Variants in NFIA observed in about 807,000 individuals in gnomAD.
The protein encoded by NFIA is nuclear factor I A, also known as nuclear factor 1 A-type.
A neutral mutation model predicts 62.8 loss-of-function variants in NFIA; 8 were observed. The ratio of observed to expected loss-of-function variants is 0.13; its 90% CI spans 0.07 to 0.23. The LOEUF is 0.23. Ranked by LOEUF, NFIA falls within the 10% of genes least tolerant of loss-of-function variation. The pLI, the probability that NFIA is intolerant of heterozygous loss-of-function variation, is 1.00. For missense variants in NFIA, 410 were observed against 642.1 expected, an observed-to-expected ratio of 0.64 and a Z score of 3.91; for synonymous variants, 235 against 238.1, an observed-to-expected ratio of 0.99 and a Z score of 0.12.
intron 2 of NFIA, among the ~76,000 whole-genome samples, chr1:61,176,517 T>C (rs1285305479): frequency 6.6e-6 from 1 of 152,130 alleles, no homozygotes; most frequent in East Asian, 1.9e-4. Flanking sequence ...GTGGATTTTC[T>C]CCCCTCTGAT....
intron 3 of NFIA, among the ~76,000 whole-genome samples, chr1:61,283,331 G>A (rs147486554): frequency 0.04 from 6,141 of 151,740 alleles, 187 homozygotes; most frequent in Non-Finnish European, 0.062. Flanking sequence ...AGCACTTTGG[G>A]AGGCCAAGGC....
chr1:61,270,865 C>A (rs541864252), intron 2 of NFIA, among the ~76,000 whole-genome samples: 2 of 152,138 alleles, frequency 1.3e-5, no homozygotes, highest in Admixed American at 6.6e-5. Context: ...GTGAACACAG[C>A]GCCTCTTATG....
At chr1:61,122,111 T>G (rs1420505763) in intron 2 of NFIA, among the ~76,000 whole-genome samples, 1 of 152,228 alleles carries the variant, frequency 6.6e-6, no homozygotes, top group Non-Finnish European at 1.5e-5. Flanking sequence ...GAGTTTTCCA[T>G]ATTTAAAAGT....
chr1:61,148,460 A>G (rs975711033), intron 2 of NFIA, among the ~76,000 whole-genome samples: 1 of 152,128 alleles, frequency 6.6e-6, no homozygotes, highest in African/African-American at 2.4e-5. Context: ...AAGACGTTTT[A>G]GGAGGCATCA....
chr1:61,310,322 A>G (rs1395321098), intron 3 of NFIA, among the ~76,000 whole-genome samples: 1 of 152,220 alleles, frequency 6.6e-6, no homozygotes, highest in Non-Finnish European at 1.5e-5. Flanking sequence ...CTGCCATGTT[A>G]TCTTCCATCT....
At chr1:61,354,809 C>A (rs894329698) in intron 5 of NFIA, among the ~76,000 whole-genome samples, 2 of 152,150 alleles carry the variant, frequency 1.3e-5, no homozygotes, top group Non-Finnish European at 2.9e-5. Flanking sequence ...GAGGCCAACA[C>A]GTGTGCAGCC....
chr1:61,200,032 A>ACATATATATATG (rs1557631908), intron 2 of NFIA, among the ~76,000 whole-genome samples: 19 of 83,774 alleles, frequency 2.3e-4, no homozygotes, highest in African/African-American at 8.8e-4. Flanking sequence ...ATATATATAT[A>ACATATATATATG]TATATATATA....
At chr1:61,247,742 T>C (rs1202685932) in intron 2 of NFIA, among the ~76,000 whole-genome samples, 2 of 152,136 alleles carry the variant, frequency 1.3e-5, no homozygotes, top group African/African-American at 2.4e-5. Flanking sequence ...GCTGCCACCA[T>C]TGGGTTCCTT....
chr1:61,198,215 GA>G (rs540468765), intron 2 of NFIA, among the ~76,000 whole-genome samples: 100 of 152,288 alleles, frequency 6.6e-4, no homozygotes, highest in Non-Finnish European at 8.5e-4. Context: ...TCTGGGAGAA[GA>G]AAAAAGAAAA....
At chr1:61,181,393 C>T (rs534187251) in intron 2 of NFIA, among the ~76,000 whole-genome samples, 61 of 152,206 alleles carry the variant, frequency 4.0e-4, no homozygotes, top group African/African-American at 1.4e-3. Flanking sequence ...CATGGCTAAG[C>T]CTTTCCTAGT....
At chr1:61,078,549 A>C (rs1422263364), upstream of NFIA, among the ~76,000 whole-genome samples, 1 of 152,196 alleles carries the variant, frequency 6.6e-6, no homozygotes, top group Non-Finnish European at 1.5e-5. Context: ...ATTATCTTAG[A>C]AGCTTTGGCA....
chr1:61,426,367 T>C, intron 9 of NFIA, 98 bp from the exon 10 acceptor site: 1 of 804,060 alleles, frequency 1.2e-6, no homozygotes, highest in Non-Finnish European at 2.1e-6. Context: ...ATTTCCTTGT[T>C]AATCAGCTGC....
At chr1:61,427,397 G>A (rs781258654) in intron 10 of NFIA, among the ~76,000 whole-genome samples, 3 of 152,148 alleles carry the variant, frequency 2.0e-5, no homozygotes, top group Non-Finnish European at 4.4e-5. Flanking sequence ...AGAACATGGC[G>A]ATATTTTATC....
intron 3 of NFIA, among the ~76,000 whole-genome samples, chr1:61,319,283 T>C (rs1660536591): frequency 1.3e-5 from 2 of 152,132 alleles, no homozygotes; most frequent in Admixed American, 1.3e-4. Flanking sequence ...TGGTAAAATA[T>C]ATATGAAGCT....
chr1:61,250,755 T>A (rs904678788), intron 2 of NFIA, among the ~76,000 whole-genome samples: 5 of 152,204 alleles, frequency 3.3e-5, no homozygotes, highest in African/African-American at 1.2e-4. Flanking sequence ...TTTATTAAAA[T>A]CATAGCTCGA....
At chr1:61,292,056 C>T (rs576640441) in intron 3 of NFIA, among the ~76,000 whole-genome samples, 1 of 152,246 alleles carries the variant, frequency 6.6e-6, no homozygotes, top group South Asian at 2.1e-4. Context: ...TCCACATTTT[C>T]CTCAGGATAC....
At chr1:61,187,044 C>T (rs1386061593) in intron 2 of NFIA, among the ~76,000 whole-genome samples, 1 of 152,092 alleles carries the variant, frequency 6.6e-6, no homozygotes, top group East Asian at 1.9e-4. Context: ...CCAGTTTCAC[C>T]CTGTTAGCCC....
intron 6 of NFIA, among the ~76,000 whole-genome samples, chr1:61,374,301 T>C (rs1884368): frequency 0.83 from 126,267 of 152,068 alleles, 53,104 homozygotes; most frequent in East Asian, 0.96. Flanking sequence ...TATGTTGAGC[T>C]AAAATCAGTC....
At chr1:61,201,749 C>A (rs1178967137) in intron 2 of NFIA, among the ~76,000 whole-genome samples, 1 of 152,114 alleles carries the variant, frequency 6.6e-6, no homozygotes, top group Non-Finnish European at 1.5e-5. Context: ...GCTCTCCTTT[C>A]ACGAGAGCAT....
Sources: gnomAD v4.1 joint callset for allele counts (sites outside exome capture counted in the v4.1 genomes callset) on GRCh38, gnomAD v4.1.1 for gene constraint, MANE v1.5 for transcripts, NCBI Gene and HGNC (gene_info 2026-07-23, HGNC 2026-07-21) for gene names.